The following ZMYM6 variants were observed in gnomAD, a reference collection of about 807,000 sequenced individuals.
ZMYM6 encodes the protein zinc finger MYM-type protein 6.
In ZMYM6, 90 loss-of-function variants were observed where a neutral mutation model predicts 134.0. The ratio of observed to expected loss-of-function variants is 0.67; its 90% CI spans 0.57 to 0.80. The LOEUF (loss-of-function observed/expected upper bound fraction) is 0.80, where lower values mean the gene tolerates loss of function less well. Ranked by LOEUF, ZMYM6 falls within the 30% of genes least tolerant of loss-of-function variation. The pLI, the probability that ZMYM6 is intolerant of heterozygous loss-of-function variation, is 0.00. For synonymous variants in ZMYM6, 481 were observed against 524.1 expected, an observed-to-expected ratio of 0.92 and a Z score of 1.12; for missense variants, 1,362 against 1,533.9, an observed-to-expected ratio of 0.89 and a Z score of 1.87.
In ZMYM6 at chr1:35,030,513, T is replaced by C. The variant is rs764276670; in HGVS notation, c.93+34A>G. On this transcript the variant is annotated intron_variant, in intron 2 of 15. Transcript: ENST00000357182. Reference sequence around the variant, plus strand: ...TTGACCAGATGGAAAAGAAGGAATTTTTTTAAATTTTTAAATGAAGATGAA... The same window carrying C: ...TTGACCAGATGGAAAAGAAGGAATTCTTTTAAATTTTTAAATGAAGATGAA... 15 of 1,574,560 alleles carry C rather than the reference T, an allele frequency of 9.5e-6. No homozygotes were observed. The Admixed American group carries it at 3.1e-4, about 32-fold the overall frequency.
At chr1:34,995,022 CGT>C (rs1491477382) in intron 14 of ZMYM6, among the ~76,000 whole-genome samples, 1 of 105,816 alleles carries the variant, frequency 9.5e-6, no homozygotes, top group African/African-American at 1.1e-4. Context: ...TACTTACATA[CGT>C]ATATATATGT....
At position 35,015,453 on chromosome 1, in the gene ZMYM6, C is replaced by T. The variant is rs928651805; in HGVS notation, c.429-291G>A. On this transcript the variant is annotated intron_variant, in intron 4 of 15. Transcript: ENST00000357182. ...AAATATAGCCAGCCAGGGCCAGGTG[C>T]GGTGGTTCATGCATGTAATCCCATC... Among the ~76,000 whole-genome samples, 48 of 151,870 alleles carry T rather than the reference C, an allele frequency of 3.2e-4. 1 individual carries two copies. The highest frequency in any genetic ancestry group is 5.9e-4 in the Non-Finnish European group (40 of 67,968).
At chr1:35,009,812 T>C (rs532426151) in intron 10 of ZMYM6, among the ~76,000 whole-genome samples, 1 of 152,020 alleles carries the variant, frequency 6.6e-6, no homozygotes, top group Non-Finnish European at 1.5e-5. Flanking sequence ...GGCACGCTCC[T>C]GTAGCTTCAG....
chr1:34,988,966 T>C, intron 15 of ZMYM6, 31 bp from the exon 16 acceptor site: 1 of 1,589,746 alleles, frequency 6.3e-7, no homozygotes, highest in Non-Finnish European at 8.5e-7. Context: ...ACTGTTATTT[T>C]CAAGAACAAA....
intron 6 of ZMYM6, among the ~76,000 whole-genome samples, chr1:35,014,241 T>C (rs1378626710): frequency 6.6e-6 from 1 of 152,218 alleles, no homozygotes; most frequent in Non-Finnish European, 1.5e-5. Context: ...TTATGGTTTA[T>C]TTATAATATG....
At position 34,988,693 on chromosome 1, in the gene ZMYM6, C is replaced by T; in HGVS notation, c.2389G>A (p.Glu797Lys). Residue 797 changes from glutamate (E) to lysine (K), a missense_variant, in exon 16 of 16, where the codon GAA becomes AAA. By Grantham distance (56) the Glu-to-Lys change is moderately conservative. Around this residue, in one of 3 missense-constraint regions of ZMYM6, gnomAD observed 824 missense variants for 940.9 expected, o/e 0.88. Coordinates refer to ENST00000357182, the MANE Select transcript of ZMYM6 (RefSeq NM_007167.4). ...TCAAAAAAATCTACTGGTTTGTTTT[C>T]TAATTCTGAATGTTTTGTCTTCAAA... ...HHLKTKHSELENKPVDFFEQK... is the reference protein window; with the variant it reads ...HHLKTKHSELKNKPVDFFEQK... The T allele has an allele frequency of 6.4e-7, 1 of 1,550,406 alleles. No homozygotes were observed. The highest frequency in any genetic ancestry group is 8.7e-7 in the Non-Finnish European group (1 of 1,146,720).
In ZMYM6 at chr1:34,987,303, G is replaced by C. The variant is rs1429922451; in HGVS notation, c.3779C>G (p.Ala1260Gly). Residue 1260 changes from alanine (A) to glycine (G), a missense_variant, in exon 16 of 16, where the codon GCA (alanine) becomes GGA (glycine). Physicochemically the swap from Ala to Gly is moderately conservative, Grantham distance 60. Coordinates refer to ENST00000357182, the MANE Select transcript of ZMYM6 (RefSeq NM_007167.4). ...ATGGAGTTCTGGGTAACTTGTCTTT[G>C]CATTTATCCAAAACTGAGTTACAGA... ...SVSVTQFWINAKTSYPELHER... is the reference protein window; with the variant it reads ...SVSVTQFWINGKTSYPELHER... The C allele has an allele frequency of 1.2e-6, 2 of 1,612,028 alleles. No homozygotes were observed.
At chr1:34,988,963 T>C (rs1168564713) in intron 15 of ZMYM6, 28 bp from the exon 16 acceptor site, 2 of 1,591,202 alleles carry the variant, frequency 1.3e-6, no homozygotes, top group Admixed American at 1.8e-5. Flanking sequence ...ATCACTGTTA[T>C]TTTCAAGAAC....
In ZMYM6 at chr1:34,990,349, G is replaced by A. The variant is rs780670079; in HGVS notation, c.2147-1414C>T. ...CAAAAGAAAATTAGCTGGGCATGGT[G>A]GCAGGTGCCTGTAATCCCAGCTACT... On this transcript the variant is annotated intron_variant, in intron 15 of 15. Coordinates refer to ENST00000357182, the MANE Select transcript of ZMYM6 (RefSeq NM_007167.4). 1.7e-5 allele frequency: 4 copies of A among 231,246 alleles called. No individual in the cohort carries two copies. In the South Asian group the frequency reaches 1.7e-4, roughly 10 times the overall value. The allele number at this position is 231,246 out of a possible 1,614,324, so 14.3% of individuals were successfully genotyped here.
chr1:34,991,253 C>A (rs1394370016), intron 15 of ZMYM6, among the ~76,000 whole-genome samples: 3 of 152,098 alleles, frequency 2.0e-5, no homozygotes, highest in African/African-American at 7.2e-5. Context: ...TAGATGCCCA[C>A]AGATCCTTTA....
In ZMYM6 at chr1:34,987,609, G is replaced by A. The variant is rs1640598162; in HGVS notation, c.3473C>T (p.Thr1158Ile). The change falls in exon 16 of 16, where the codon ACA becomes ATA. Residue 1158 changes from threonine to isoleucine, a missense_variant. By Grantham distance (89) the Thr-to-Ile change is moderately conservative. Coordinates refer to ENST00000357182, the MANE Select transcript of ZMYM6 (RefSeq NM_007167.4). ...GAACATGTCATAATCATTCTCTTGTGTGCGCTTCAACCACATTTTTAACTT... is the reference window on the plus strand; with the variant it reads ...GAACATGTCATAATCATTCTCTTGTATGCGCTTCAACCACATTTTTAACTT... ...KRKLKMWLKR[T>I]QENDYDMFPS... 3.1e-6 allele frequency: 5 copies of A among 1,609,236 alleles called. No individual in the cohort carries two copies. Among genetic ancestry groups the A allele is most frequent in the African/African-American group, 2.7e-5 (2 of 74,698 alleles).
chr1:35,012,140 A>C, intron 7 of ZMYM6, 135 bp from the exon 8 acceptor site: 1 of 648,618 alleles, frequency 1.5e-6, no homozygotes, highest in Non-Finnish European at 2.4e-6. Context: ...AAAAATCTGA[A>C]ATCTAACCAC....
intron 8 of ZMYM6, among the ~76,000 whole-genome samples, chr1:35,011,568 C>G (rs375582482): frequency 6.6e-6 from 1 of 152,208 alleles, no homozygotes; most frequent in South Asian, 2.1e-4. Flanking sequence ...TGAATCCCAT[C>G]AGGCTACTGT....
chr1:35,020,471 T>TAAAA lies in ZMYM6; in HGVS notation c.94-8_94-5dup. ...GCTGTTGGACACATCCATACTCCTT[T>TAAAA]AAAAAAAAAAAGAAAAGAGAAAAGA... On this transcript the variant is annotated splice_region_variant and splice_polypyrimidine_tract_variant and intron_variant, in intron 2 of 15. Transcript: ENST00000357182. The TAAAA allele has an allele frequency of 8.0e-7, 1 of 1,247,836 alleles. No homozygotes were observed. Among genetic ancestry groups the TAAAA allele is most frequent in the Non-Finnish European group, 1.1e-6 (1 of 912,020 alleles). 77.3% of individuals were successfully genotyped at this position (1,247,836 alleles called of 1,614,324 possible).
rs1641534162 is a variant in ZMYM6, at chr1:35,031,843, G to A, written c.-103C>T. On this transcript the variant is annotated 5_prime_UTR_variant, in exon 1 of 16. Coordinates refer to ENST00000357182, the MANE Select transcript of ZMYM6 (RefSeq NM_007167.4). The stretch of plus-strand genomic sequence containing the variant: ...CTGTCGCCTCCCTGCTACCGGAGGA[G>A]CACTGGAATAGGAACCAAGTCCTCT... 6.6e-6 allele frequency: 1 copy of A among 152,588 alleles called. No homozygotes were observed. The highest frequency in any genetic ancestry group is 1.5e-5 in the Non-Finnish European group (1 of 68,186). 9.5% of individuals were successfully genotyped at this position (152,588 alleles called of 1,614,324 possible).
intron 2 of ZMYM6, among the ~76,000 whole-genome samples, chr1:35,029,946 G>A (rs915947207): frequency 1.3e-5 from 2 of 152,166 alleles, no homozygotes; most frequent in Non-Finnish European, 2.9e-5. Flanking sequence ...TACAAGGGAA[G>A]GGACTAAGCT....
chr1:34,996,316 T>C (rs1444190897), intron 14 of ZMYM6, among the ~76,000 whole-genome samples: 1 of 152,330 alleles, frequency 6.6e-6, no homozygotes, highest in East Asian at 1.9e-4. Context: ...CATGTAAGCA[T>C]TATTTGTAGT....
chr1:35,007,143 A>G, intron 11 of ZMYM6, 45 bp from the exon 12 acceptor site: 1 of 1,543,146 alleles, frequency 6.5e-7, no homozygotes, highest in South Asian at 1.3e-5. Flanking sequence ...ACTATAAAAT[A>G]ATGAAAAGAT....
At chr1:35,018,882 T>A in intron 4 of ZMYM6, 1 of 167,534 alleles carries the variant, frequency 6.0e-6, no homozygotes, top group Non-Finnish European at 1.3e-5. Context: ...TCTCTCTGCA[T>A]CTAAGCATTA....
Sources: gnomAD v4.1 joint callset for allele counts (sites outside exome capture counted in the v4.1 genomes callset) on GRCh38, gnomAD v4.1.1 for gene constraint, gnomAD v4.1.1 regional missense constraint, MANE v1.5 for transcripts, NCBI Gene and HGNC (gene_info 2026-07-23, HGNC 2026-07-21) for gene names.